The following PCDH9 variants were observed in gnomAD, a reference collection of about 807,000 sequenced individuals.
PCDH9 encodes protocadherin-9.
In PCDH9, 24 loss-of-function variants were observed where a neutral mutation model predicts 70.6. That is an observed-to-expected ratio of 0.34 (90% CI 0.25 to 0.48). The LOEUF (loss-of-function observed/expected upper bound fraction) is 0.48. Ranked by LOEUF, PCDH9 falls within the 20% of genes least tolerant of loss-of-function variation. The probability of loss-of-function intolerance (pLI) is 0.99; values close to 1 mark genes in which losing one functional copy is unlikely to be tolerated. For missense variants in PCDH9, 1,281 were observed against 1,503.6 expected (o/e 0.85, Z 2.45); for synonymous variants, 562 against 558.5 (o/e 1.01, Z -0.09).
At chr13:66,539,422 G>A (rs1285278431) in intron 4 of PCDH9, among the ~76,000 whole-genome samples, 3 of 152,118 alleles carry the variant, frequency 2.0e-5, no homozygotes, top group Non-Finnish European at 4.4e-5. Flanking sequence ...ATGATAGTGA[G>A]TTCTCATGAG....
Position 66,491,385 on chromosome 13 carries a change from T to TTGTGTGTGTGTGTGTGTGTGTG in PCDH9, c.3340+139803_3340+139824dup, listed in dbSNP as rs71106974. Among the ~76,000 whole-genome samples, 1,242 of 136,070 alleles carry TTGTGTGTGTGTGTGTGTGTGTG rather than the reference T, an allele frequency of 9.1e-3. 18 individuals are homozygous for TTGTGTGTGTGTGTGTGTGTGTG. The highest frequency in any genetic ancestry group is 0.028 in the East Asian group (126 of 4,454). The allele number at this position is 136,070 out of a possible 152,430, so 89.3% of individuals were successfully genotyped here. ...GTGTGTTGGGTGAGGGCAGGAGATA[T>TTGTGTGTGTGTGTGTGTGTGTG]TGTGTGTGTGTGTGTGTGTGTGTGT... On this transcript the variant is annotated intron_variant, in intron 4 of 4. Transcript: ENST00000377865.
At chr13:66,448,016 T>C (rs1480215296) in intron 4 of PCDH9, among the ~76,000 whole-genome samples, 2 of 152,174 alleles carry the variant, frequency 1.3e-5, no homozygotes, top group Non-Finnish European at 2.9e-5. Flanking sequence ...CATTTAGTTA[T>C]CACACTGTAA....
chr13:66,684,058 A>C (rs1438710500), intron 3 of PCDH9, among the ~76,000 whole-genome samples: 1 of 152,212 alleles, frequency 6.6e-6, no homozygotes, highest in Non-Finnish European at 1.5e-5. Context: ...CGTTTTAATA[A>C]TGAACAGTAC....
intron 3 of PCDH9, among the ~76,000 whole-genome samples, chr13:66,717,999 A>G (rs932027435): frequency 6.6e-6 from 1 of 152,170 alleles, no homozygotes; most frequent in Non-Finnish European, 1.5e-5. Flanking sequence ...TTTAATAACT[A>G]CAGATTGTTT....
intron 3 of PCDH9, among the ~76,000 whole-genome samples, chr13:66,777,160 C>G (rs939407861): frequency 8.6e-5 from 13 of 151,866 alleles, no homozygotes; most frequent in Non-Finnish European, 1.5e-4. Flanking sequence ...AACATTAGAC[C>G]TAAAACCATA....
chr13:66,335,153 G>T (rs974538561), intron 4 of PCDH9, among the ~76,000 whole-genome samples: 1 of 152,024 alleles, frequency 6.6e-6, no homozygotes, highest in African/African-American at 2.4e-5. Flanking sequence ...TTGCTTCAGG[G>T]TGTTATTATT....
chr13:66,382,982 C>T (rs1017356913), intron 4 of PCDH9, among the ~76,000 whole-genome samples: 5 of 152,144 alleles, frequency 3.3e-5, no homozygotes, highest in African/African-American at 1.2e-4. Flanking sequence ...GAGCCAAGAA[C>T]ATGCCATTTC....
At chr13:67,088,855 T>C (rs934878334) in intron 2 of PCDH9, among the ~76,000 whole-genome samples, 6 of 152,072 alleles carry the variant, frequency 3.9e-5, no homozygotes, top group Non-Finnish European at 8.8e-5. Context: ...AAGACAATGA[T>C]TGCAGTTCAA....
intron 4 of PCDH9, among the ~76,000 whole-genome samples, chr13:66,574,862 A>G (rs986475685): frequency 6.6e-6 from 1 of 152,170 alleles, no homozygotes; most frequent in African/African-American, 2.4e-5. Flanking sequence ...GAAATAAAGA[A>G]TGACCTAGTA....
chr13:66,964,668 T>C (rs1438773852), intron 2 of PCDH9, among the ~76,000 whole-genome samples: 1 of 152,128 alleles, frequency 6.6e-6, no homozygotes, highest in Non-Finnish European at 1.5e-5. Flanking sequence ...AAGGAATTTT[T>C]TTTTAATCTC....
intron 2 of PCDH9, among the ~76,000 whole-genome samples, chr13:67,125,793 C>T (rs2086965902): frequency 6.6e-6 from 1 of 151,604 alleles, no homozygotes; most frequent in Non-Finnish European, 1.5e-5. Context: ...CTTGCATTTT[C>T]CTACCTTTAG....
intron 3 of PCDH9, among the ~76,000 whole-genome samples, chr13:66,844,662 C>A (rs2081175757): frequency 6.6e-6 from 1 of 151,438 alleles, no homozygotes; most frequent in Non-Finnish European, 1.5e-5. Flanking sequence ...TGTAAGAATT[C>A]TTTGTAAAGT....
intron 4 of PCDH9, among the ~76,000 whole-genome samples, chr13:66,455,195 T>C (rs1405051197): frequency 6.6e-6 from 1 of 151,868 alleles, no homozygotes; most frequent in East Asian, 1.9e-4. Context: ...ATTTCAGTTC[T>C]CTTAATCTCA....
Position 66,982,964 on chromosome 13 carries a change from A to G in PCDH9, c.3037-79359T>C, listed in dbSNP as rs375599668. Among the ~76,000 whole-genome samples, 151 of 152,366 alleles carry G rather than the reference A, an allele frequency of 9.9e-4. 2 individuals carry two copies. The Middle Eastern group carries it at 0.024, about 24-fold the overall frequency. ...GAAGATGTTATTAGAGAAAAAATGT[A>G]GCTTAATGGAAAAAGACAAAGCTTC... On this transcript the variant is annotated intron_variant, in intron 2 of 4. Coordinates refer to ENST00000377865, the MANE Select transcript of PCDH9 (RefSeq NM_203487.3).
At chr13:66,894,708 A>C (rs1175759925) in intron 3 of PCDH9, among the ~76,000 whole-genome samples, 2 of 152,194 alleles carry the variant, frequency 1.3e-5, no homozygotes, top group Admixed American at 6.5e-5. Flanking sequence ...TATCCATTGC[A>C]AACATCCAAA....
At chr13:66,763,848 G>T (rs114835181) in intron 3 of PCDH9, among the ~76,000 whole-genome samples, 1 of 151,876 alleles carries the variant, frequency 6.6e-6, no homozygotes, top group Non-Finnish European at 1.5e-5. Flanking sequence ...CAGCAGGCTG[G>T]AGTGCAGTGG....
intron 3 of PCDH9, among the ~76,000 whole-genome samples, chr13:66,799,352 A>G (rs1275211026): frequency 2.0e-5 from 3 of 152,148 alleles, no homozygotes; most frequent in Non-Finnish European, 4.4e-5. Context: ...CATCATGCCA[A>G]TGACAGATGG....
intron 4 of PCDH9, among the ~76,000 whole-genome samples, chr13:66,498,250 TTCTCCTGCC>T (rs1310760708): frequency 6.6e-6 from 1 of 151,418 alleles, no homozygotes; most frequent in African/African-American, 2.4e-5. Flanking sequence ...GTTCACGCCA[TTCTCCTGCC>T]TCAGCCTCCC....
At chr13:66,750,705 G>C (rs2079444080) in intron 3 of PCDH9, among the ~76,000 whole-genome samples, 1 of 151,072 alleles carries the variant, frequency 6.6e-6, no homozygotes, top group South Asian at 2.1e-4. Flanking sequence ...ACATGTACTG[G>C]GTTGATTTTT....
Sources: allele counts gnomAD v4.1 joint callset (sites outside exome capture counted in the v4.1 genomes callset), GRCh38; gene constraint gnomAD v4.1.1; transcripts MANE v1.5; gene names NCBI Gene and HGNC (gene_info 2026-07-23, HGNC 2026-07-21).